Variants in WNT7A observed in about 807,000 individuals in gnomAD.
WNT7A encodes the protein protein Wnt-7a.
Under a neutral mutation model 28.2 loss-of-function variants are expected in WNT7A, and 16 were observed. The observed-to-expected ratio is 0.57, with a 90% CI of 0.38 to 0.86. The LOEUF (loss-of-function observed/expected upper bound fraction) is 0.86. Among genes scored for constraint, WNT7A ranks in the 40% least tolerant of loss-of-function variants. The pLI is 0.00. For missense variants in WNT7A, 411 were observed against 489.7 expected (o/e 0.84, Z 1.52); for synonymous variants, 190 against 195.9 (o/e 0.97, Z 0.25).
chr3:13,868,791 A>T (rs199560036), intron 2 of WNT7A, among the ~76,000 whole-genome samples: 1 of 68,412 alleles, frequency 1.5e-5, no homozygotes, highest in Admixed American at 1.6e-4. Flanking sequence ...GAAGGAAGGA[A>T]GGGAGAGAGA....
intron 3 of WNT7A, among the ~76,000 whole-genome samples, chr3:13,843,338 T>A (rs1398459476): frequency 6.6e-6 from 1 of 152,306 alleles, no homozygotes; most frequent in East Asian, 1.9e-4. Flanking sequence ...AGGGGCATTA[T>A]CTCATGCAAT....
chr3:13,830,220 G>T (rs1051099419), intron 3 of WNT7A, among the ~76,000 whole-genome samples: 4 of 152,158 alleles, frequency 2.6e-5, no homozygotes, highest in South Asian at 4.2e-4. Flanking sequence ...ACATGGTAAA[G>T]GTGGGCCCCG....
rs1349777838 is a variant in WNT7A at position 13,868,657 on chromosome 3, A to AG, written c.298+6289dup. Among the ~76,000 whole-genome samples the AG allele has an allele frequency of 7.6e-4, 9 of 11,788 alleles. 2 individuals carry two copies. Among genetic ancestry groups the AG allele is most frequent in the African/African-American group, 3.2e-3 (9 of 2,840 alleles). 7.7% of individuals were successfully genotyped at this position (11,788 alleles called of 152,430 possible). On this transcript the variant is annotated intron_variant, in intron 2 of 3. Transcript: ENST00000285018. The stretch of plus-strand genomic sequence containing the variant: ...AAGAGAGAGGAGAAAGAAAAAAAGG[A>AG]GGGAGGGAGTGGGAGAGAGGGGGAG...
Position 13,846,755 on chromosome 3 carries a change from C to A in WNT7A, c.570+7777G>T, listed in dbSNP as rs191021066. Among the ~76,000 whole-genome samples the A allele has an allele frequency of 1.6e-3, 246 of 152,204 alleles. 3 individuals are homozygous for A. Among genetic ancestry groups the A allele is most frequent in the Non-Finnish European group, 6.2e-4 (42 of 67,998 alleles). Reference sequence around the variant, plus strand: ...CTGCCTGCCACCCTCCTAACCACACCACCCCCAGTCCTCAGGGACTGCAGG... The same window carrying A: ...CTGCCTGCCACCCTCCTAACCACACAACCCCCAGTCCTCAGGGACTGCAGG... On this transcript the variant is annotated intron_variant, in intron 3 of 3. Coordinates refer to ENST00000285018, the MANE Select transcript of WNT7A (RefSeq NM_004625.4).
chr3:13,858,156 C>T (rs924704802), intron 2 of WNT7A, among the ~76,000 whole-genome samples: 2 of 152,204 alleles, frequency 1.3e-5, no homozygotes, highest in East Asian at 1.9e-4. Flanking sequence ...CAAGAACTGC[C>T]CCCAGGGATG....
At chr3:13,869,042 G>C (rs977291372) in intron 2 of WNT7A, among the ~76,000 whole-genome samples, 16 of 149,550 alleles carry the variant, frequency 1.1e-4, no homozygotes, top group African/African-American at 3.7e-4. Context: ...GAGAGAGAGA[G>C]AAAGGGAGAA....
At chr3:13,854,942 C>A in intron 2 of WNT7A, 139 bp from the exon 3 acceptor site, 1 of 1,140,154 alleles carries the variant, frequency 8.8e-7, no homozygotes, top group South Asian at 1.3e-5. Flanking sequence ...TCCTAACTTC[C>A]AACAAAGCTC....
intron 2 of WNT7A, among the ~76,000 whole-genome samples, chr3:13,864,097 G>A (rs1694874105): frequency 6.6e-6 from 1 of 152,196 alleles, no homozygotes; most frequent in South Asian, 2.1e-4. Flanking sequence ...ACAGGAGGTC[G>A]TGAGCATGTG....
At chr3:13,854,458 C>A (rs906136087) in intron 3 of WNT7A, 74 bp downstream of exon 3, 2 of 1,607,972 alleles carry the variant, frequency 1.2e-6, no homozygotes, top group Admixed American at 3.3e-5. Context: ...AGACACCCAG[C>A]ACCAGATGTT....
At chr3:13,824,681 C>A (rs1694165306) in intron 3 of WNT7A, among the ~76,000 whole-genome samples, 1 of 152,210 alleles carries the variant, frequency 6.6e-6, no homozygotes, top group Non-Finnish European at 1.5e-5. Context: ...TCCGCTTGAG[C>A]AAGCTCACCC....
At chr3:13,846,612 C>T (rs752450280) in intron 3 of WNT7A, among the ~76,000 whole-genome samples, 1 of 152,140 alleles carries the variant, frequency 6.6e-6, no homozygotes, top group Admixed American at 6.5e-5. Flanking sequence ...CAAATGAAAA[C>T]CTTCCCTCCA....
chr3:13,855,461 C>G (rs1694714630), intron 2 of WNT7A, among the ~76,000 whole-genome samples: 1 of 152,236 alleles, frequency 6.6e-6, no homozygotes, highest in South Asian at 2.1e-4. Flanking sequence ...GCCACTACTA[C>G]TCTTTCTGTG....
intron 3 of WNT7A, among the ~76,000 whole-genome samples, chr3:13,834,839 T>A (rs149092339): frequency 6.6e-6 from 1 of 152,228 alleles, no homozygotes; most frequent in Admixed American, 6.5e-5. Flanking sequence ...TTAGTTGTGC[T>A]TATCATGTCT....
chr3:13,841,159 G>A (rs967516729), intron 3 of WNT7A, among the ~76,000 whole-genome samples: 4 of 152,282 alleles, frequency 2.6e-5, no homozygotes, highest in Middle Eastern at 6.8e-3. Context: ...TTAAAGGCTG[G>A]GAAATAATCT....
At chr3:13,845,360 C>T (rs368381121) in intron 3 of WNT7A, among the ~76,000 whole-genome samples, 12 of 152,188 alleles carry the variant, frequency 7.9e-5, no homozygotes, top group South Asian at 6.2e-4. Context: ...TAGGAAGCCA[C>T]GAGCCACAGG....
At chr3:13,867,274 C>T (rs1352338649) in intron 2 of WNT7A, among the ~76,000 whole-genome samples, 4 of 152,146 alleles carry the variant, frequency 2.6e-5, no homozygotes, top group Non-Finnish European at 5.9e-5. Flanking sequence ...GATGCAAACC[C>T]GGCCATGTGA....
At chr3:13,839,406 A>G (rs1694422117) in intron 3 of WNT7A, among the ~76,000 whole-genome samples, 1 of 152,228 alleles carries the variant, frequency 6.6e-6, no homozygotes, top group Non-Finnish European at 1.5e-5. Context: ...GTAACAGGTG[A>G]AATATTAAGT....
intron 3 of WNT7A, among the ~76,000 whole-genome samples, chr3:13,840,433 T>G (rs1173235870): frequency 6.6e-6 from 1 of 152,230 alleles, no homozygotes; most frequent in Non-Finnish European, 1.5e-5. Context: ...AAATAGGTGC[T>G]TAATAAATAT....
At chr3:13,832,259 C>T (rs1393718958) in intron 3 of WNT7A, among the ~76,000 whole-genome samples, 1 of 150,738 alleles carries the variant, frequency 6.6e-6, no homozygotes, top group Non-Finnish European at 1.5e-5. Flanking sequence ...TCCTCTTGCT[C>T]CCATCCTCCT....
Sources: allele counts gnomAD v4.1 joint callset (sites outside exome capture counted in the v4.1 genomes callset), GRCh38; gene constraint gnomAD v4.1.1; transcripts MANE v1.5; gene names NCBI Gene and HGNC (gene_info 2026-07-23, HGNC 2026-07-21).